The following LAMC2 variants were observed in gnomAD, a reference collection of about 807,000 sequenced individuals.
The protein encoded by LAMC2 is laminin subunit gamma-2.
LAMC2 carries 97 observed loss-of-function variants against 140.2 expected under a neutral mutation model. The ratio of observed to expected loss-of-function variants is 0.69; its 90% CI spans 0.59 to 0.82. LAMC2 has a LOEUF of 0.82. LAMC2 is among the 40% of genes least tolerant of loss of function. The pLI, the probability that LAMC2 is intolerant of heterozygous loss-of-function variation, is 0.00. For missense variants in LAMC2, 1,402 were observed against 1,476.1 expected, an observed-to-expected ratio of 0.95 and a Z score of 0.82; for synonymous variants, 513 against 540.2, an observed-to-expected ratio of 0.95 and a Z score of 0.70.
chr1:183,230,706 G>A (rs1276867972), intron 11 of LAMC2, among the ~76,000 whole-genome samples: 2 of 152,234 alleles, frequency 1.3e-5, no homozygotes, highest in African/African-American at 4.8e-5. Context: ...AGTGCTTGCA[G>A]AATATCTAAT....
Position 183,232,274 on chromosome 1 carries a change from C to T in LAMC2, c.1945C>T (p.Leu649=). The change falls in exon 13 of 23, where the codon CTG becomes TTG. Residue 649 remains leucine (L), a synonymous_variant. Transcript: ENST00000264144. ...GGDGVVPDTE[L]EGRMQQAEQA... ...TGATGGAGTAGTACCTGATACAGAG[C>T]TGGAAGGCAGGATGCAGCAGGCTGA... 1 of 1,614,078 alleles carries T rather than the reference C, an allele frequency of 6.2e-7. No homozygotes were observed. The highest frequency in any genetic ancestry group is 8.5e-7 in the Non-Finnish European group (1 of 1,180,024).
chr1:183,251,818 G>T, the LAMC2 span: 2 of 159,236 alleles, frequency 1.3e-5, no homozygotes, highest in South Asian at 3.3e-4. Flanking sequence ...TCGTGTCCCA[G>T]GTTTCAGAAC....
chr1:183,208,154 G>A, intron 2 of LAMC2, 85 bp downstream of exon 2: 2 of 1,276,810 alleles, frequency 1.6e-6, no homozygotes, highest in Non-Finnish European at 1.1e-6. Context: ...AAAGAAGAAG[G>A]AAGGGAACAA....
intron 1 of LAMC2, among the ~76,000 whole-genome samples, chr1:183,206,422 T>C (rs1160199099): frequency 6.6e-6 from 1 of 152,158 alleles, no homozygotes. Flanking sequence ...GGCAGGCGGA[T>C]CACCTGAGGT....
chr1:183,236,701 C>G (rs1659974840), intron 17 of LAMC2, 97 bp downstream of exon 17: 1 of 1,411,088 alleles, frequency 7.1e-7, no homozygotes, highest in Admixed American at 1.7e-5. Context: ...TCAGCTTTTT[C>G]TCCATGTTGA....
chr1:183,229,635 CAAA>C (rs1304647617), intron 11 of LAMC2, among the ~76,000 whole-genome samples: 1 of 90,298 alleles, frequency 1.1e-5, no homozygotes, highest in African/African-American at 4.2e-5. Context: ...GACTCCATCT[CAAA>C]AAAAAAAAAA....
chr1:183,249,585 C>T (rs201161178), downstream of LAMC2: 1 of 151,924 alleles, frequency 6.6e-6, no homozygotes, highest in Non-Finnish European at 1.5e-5. Flanking sequence ...GACTCTGAAT[C>T]ATCTTTCTGG....
rs10668798 is a variant in LAMC2 at position 183,207,835 on chromosome 1, G to GTTTT, written c.80-34_80-31dup. On this transcript the variant is annotated intron_variant, in intron 1 of 22. Coordinates refer to ENST00000264144, the MANE Select transcript of LAMC2 (RefSeq NM_005562.3). ...CACCTGCTAGAACAGTTCCTGAGGT[G>GTTTT]TTTTTTTTTTTTTTTGACGATCTCT... is the stretch of plus-strand genomic sequence containing the variant. 4.0e-3 allele frequency: 4,734 copies of GTTTT among 1,184,040 alleles called. 116 individuals carry two copies. The African/African-American group carries it at 0.049, about 12-fold the overall frequency. 73.3% of individuals were successfully genotyped at this position (1,184,040 alleles called of 1,614,324 possible).
chr1:183,249,734 T>TGTGTGTGTGTGG (rs1660326007), downstream of LAMC2: 1 of 119,132 alleles, frequency 8.4e-6, no homozygotes, highest in Non-Finnish European at 1.7e-5. Flanking sequence ...TGTGTGTGTT[T>TGTGTGTGTGTGG]GGGGGGTAGG....
chr1:183,245,785 T>C (rs1422959921), downstream of LAMC2, among the ~76,000 whole-genome samples: 1 of 152,224 alleles, frequency 6.6e-6, no homozygotes, highest in African/African-American at 2.4e-5. Context: ...AGACAGTACA[T>C]GTTCTAGGAA....
chr1:183,252,588 A>G, the LAMC2 span: 9 of 1,228,182 alleles, frequency 7.3e-6, no homozygotes, highest in African/African-American at 7.4e-5. Flanking sequence ...GGAGAGAAAC[A>G]GGGGGCTGAC....
At chr1:183,225,475 C>CTCAG in intron 7 of LAMC2, 133 bp from the exon 8 acceptor site, 1 of 717,368 alleles carries the variant, frequency 1.4e-6, no homozygotes, top group East Asian at 2.6e-5. Flanking sequence ...AAAGGTGGCT[C>CTCAG]TCAGTCCTAT....
chr1:183,228,740 A>T lies in LAMC2; in HGVS notation c.1714+121A>T, dbSNP rs1156925182. 6 of 1,393,614 alleles carry T rather than the reference A, an allele frequency of 4.3e-6. No individual in the cohort carries two copies. Among genetic ancestry groups the T allele is most frequent in the Non-Finnish European group, 6.0e-6 (6 of 995,828 alleles). The allele number at this position is 1,393,614 out of a possible 1,614,324, so 86.3% of individuals were successfully genotyped here. A position where few individuals can be genotyped will look rare whatever the true frequency, so the allele number is the denominator to read the frequency against. On this transcript the variant is annotated intron_variant, in intron 11 of 22. Transcript: ENST00000264144. This position sits in a 1 kb window ranked among gnomAD's most constrained non-coding sequence, Gnocchi z 4.3. ...GATGTTACTTTGATTCTCTGACCAA[A>T]CTGGCCTGTGAGCACCCTGGGCCTT...
Position 183,227,619 on chromosome 1 carries a change from TGTCATAACGG to T in LAMC2, c.1393_1402del (p.His465SerfsTer5), listed in dbSNP as rs1252017067. Reference sequence around the variant, plus strand: ...CCCCCGCAGCTGCAAGCCATGTCCCTGTCATAACGGGTTCAGCTGCTCAGTGATGCCGGAG... The same window carrying T: ...CCCCCGCAGCTGCAAGCCATGTCCCTGTTCAGCTGCTCAGTGATGCCGGAG... On this transcript the variant is annotated frameshift_variant, in exon 10 of 23. Coordinates refer to ENST00000264144, the MANE Select transcript of LAMC2 (RefSeq NM_005562.3). LOFTEE classifies it high-confidence loss of function. The T allele has an allele frequency of 1.2e-6, 2 of 1,614,200 alleles. No individual in the cohort carries two copies. Among genetic ancestry groups the T allele is most frequent in the South Asian group, 1.1e-5 (1 of 91,082 alleles).
chr1:183,202,086 C>T (rs754953563), intron 1 of LAMC2, among the ~76,000 whole-genome samples: 23 of 151,622 alleles, frequency 1.5e-4, no homozygotes, highest in Non-Finnish European at 2.7e-4. Context: ...CCTGGATGCT[C>T]GGGAGGCTGA....
At chr1:183,236,355 C>A in intron 16 of LAMC2, 105 bp from the exon 17 acceptor site, 2 of 1,129,484 alleles carry the variant, frequency 1.8e-6, no homozygotes, top group Non-Finnish European at 2.6e-6. Context: ...CGCCACTGCA[C>A]TCCAGCCTGG....
At chr1:183,197,693 A>G (rs987948451) in intron 1 of LAMC2, among the ~76,000 whole-genome samples, 4 of 151,254 alleles carry the variant, frequency 2.6e-5, no homozygotes, top group Admixed American at 6.6e-5. Flanking sequence ...AAAAAAAAGT[A>G]AAAGTAATAA....
chr1:183,239,575 T>G lies in LAMC2; in HGVS notation c.3069+12T>G, dbSNP rs1296470764. On this transcript the variant is annotated intron_variant, in intron 20 of 22. Coordinates refer to ENST00000264144, the MANE Select transcript of LAMC2 (RefSeq NM_005562.3). ...GTGAGATTGAACAGGTAAAGAGAAA[T>G]CGACATGTGTGTTGGTGCCAGTAGC... The G allele has an allele frequency of 6.2e-6, 10 of 1,609,262 alleles. No homozygotes were observed. Among genetic ancestry groups the G allele is most frequent in the Non-Finnish European group, 8.5e-6 (10 of 1,176,942 alleles).
At chr1:183,211,569 G>A (rs957838664) in intron 2 of LAMC2, among the ~76,000 whole-genome samples, 5 of 152,258 alleles carry the variant, frequency 3.3e-5, no homozygotes, top group Non-Finnish European at 5.9e-5. Flanking sequence ...GGAGTGCAGC[G>A]GCTCCATCAT....
Sources: allele counts gnomAD v4.1 joint callset (sites outside exome capture counted in the v4.1 genomes callset), GRCh38; gene constraint gnomAD v4.1.1; non-coding constraint Gnocchi (gnomAD v3.1); transcripts MANE v1.5; gene names NCBI Gene and HGNC (gene_info 2026-07-23, HGNC 2026-07-21).